Variants in MAD1L1 observed in about 807,000 individuals in gnomAD.
MAD1L1 encodes the protein mitotic spindle assembly checkpoint protein MAD1.
MAD1L1 carries 95 observed loss-of-function variants against 96.9 expected under a neutral mutation model. The ratio of observed to expected loss-of-function variants is 0.98; its 90% confidence interval spans 0.83 to 1.16. MAD1L1 has a LOEUF of 1.16. Ranked by LOEUF, MAD1L1 falls within the 50% of genes most tolerant of loss-of-function variation. MAD1L1 has a pLI of 0.00. For missense variants in MAD1L1, 1,007 were observed against 954.4 expected (o/e 1.06, Z -0.73); for synonymous variants, 473 against 396.6 (o/e 1.19, Z -2.29).
rs530377698 is a variant in MAD1L1, at chr7:1,868,960, G to A, written c.1998+29240C>T. Among the ~76,000 whole-genome samples, 35 of 152,308 alleles carry A rather than the reference G, an allele frequency of 2.3e-4. 1 individual carries two copies. The South Asian group carries it at 7.0e-3, about 31-fold the overall frequency. On this transcript the variant is annotated intron_variant, in intron 18 of 18. Coordinates refer to ENST00000265854, the MANE Select transcript of MAD1L1 (RefSeq NM_001013836.2). Reference sequence around the variant, plus strand: ...ACCGCGCCAGGCAGAAAGCTAGCCCGGCACAGCCCAAACCCTCGCGTGTGT... The same window carrying A: ...ACCGCGCCAGGCAGAAAGCTAGCCCAGCACAGCCCAAACCCTCGCGTGTGT...
At chr7:2,166,721 A>G (rs979670830) in intron 10 of MAD1L1, among the ~76,000 whole-genome samples, 2 of 152,212 alleles carry the variant, frequency 1.3e-5, no homozygotes, top group African/African-American at 2.4e-5. Context: ...TGAGGCTGTG[A>G]CAGCGTGTGT....
At chr7:2,041,677 C>A (rs1038697814) in intron 12 of MAD1L1, among the ~76,000 whole-genome samples, 1 of 152,242 alleles carries the variant, frequency 6.6e-6, no homozygotes, top group African/African-American at 2.4e-5. Context: ...TGACGCTTGA[C>A]ATGAGTTGAA....
At chr7:2,021,476 C>A (rs11762636) in intron 12 of MAD1L1, among the ~76,000 whole-genome samples, 24,803 of 152,176 alleles carry the variant, frequency 0.16, 2,567 homozygotes, top group Middle Eastern at 0.3. Flanking sequence ...GAAAGAAAAA[C>A]TCTCAGCGGG....
At position 1,930,628 on chromosome 7, in the gene MAD1L1, G is replaced by A. The variant is rs190363137; in HGVS notation, c.1807+6059C>T. 1.7e-4 allele frequency among the ~76,000 whole-genome samples: 24 copies of A among 145,216 alleles called. No homozygotes were observed. The East Asian group carries it at 2.7e-3, about 16-fold the overall frequency. ...ACGTGTCCCCTTGCTTCGTCCCACC[G>A]TCACATCCCCTTCACCTTGTTCCTT... On this transcript the variant is annotated intron_variant, in intron 17 of 18. Coordinates refer to ENST00000265854, the MANE Select transcript of MAD1L1 (RefSeq NM_001013836.2).
At chr7:1,923,477 G>A (rs570142068) in intron 17 of MAD1L1, among the ~76,000 whole-genome samples, 59 of 133,050 alleles carry the variant, frequency 4.4e-4, no homozygotes, top group African/African-American at 1.4e-4. Context: ...GCGCTCTTCC[G>A]CCCCGGCAGC....
intron 11 of MAD1L1, among the ~76,000 whole-genome samples, chr7:2,132,312 G>A (rs1022370434): frequency 6.6e-6 from 1 of 152,314 alleles, no homozygotes; most frequent in East Asian, 1.9e-4. Flanking sequence ...CAGTGGACAC[G>A]TGGGCTCACT....
At chr7:1,946,969 T>TGGC in intron 16 of MAD1L1, among the ~76,000 whole-genome samples, 1 of 152,300 alleles carries the variant, frequency 6.6e-6, no homozygotes, top group Non-Finnish European at 1.5e-5. Flanking sequence ...GGGTGGGGGC[T>TGGC]GGCGTTGGCT....
At chr7:2,151,720 G>C (rs1054308168) in intron 10 of MAD1L1, among the ~76,000 whole-genome samples, 3 of 152,240 alleles carry the variant, frequency 2.0e-5, no homozygotes, top group Admixed American at 2.0e-4. Context: ...CCAAGACCAT[G>C]ATAAATGCAA....
chr7:1,874,604 G>A (rs913561368), intron 18 of MAD1L1: 18 of 441,208 alleles, frequency 4.1e-5, no homozygotes, highest in South Asian at 6.5e-5. Context: ...TTACCCAGAG[G>A]CAGGTGGCTC....
Position 1,892,685 on chromosome 7 carries a change from C to G in MAD1L1, c.1998+5515G>C, listed in dbSNP as rs368386462. ...TTCCCCCTCATCCATATGACAAACC[C>G]GGTAGGTCGACATCGCCACATGTTT... On this transcript the variant is annotated intron_variant, in intron 18 of 18. Coordinates refer to ENST00000265854, the MANE Select transcript of MAD1L1 (RefSeq NM_001013836.2). Among the ~76,000 whole-genome samples, 6 of 152,316 alleles carry G rather than the reference C, an allele frequency of 3.9e-5. No individual in the cohort carries two copies. The East Asian group carries it at 7.7e-4, about 20-fold the overall frequency.
chr7:1,847,789 C>T (rs751733785), intron 18 of MAD1L1: 12 of 444,354 alleles, frequency 2.7e-5, no homozygotes, highest in East Asian at 7.1e-5. Flanking sequence ...ATGAACGAAT[C>T]GGCCTGCCTA....
chr7:2,133,532 G>A (rs7800909), intron 11 of MAD1L1, among the ~76,000 whole-genome samples: 7,067 of 152,236 alleles, frequency 0.046, 218 homozygotes, highest in African/African-American at 0.075. Context: ...AGTTTCCTTC[G>A]CAGAGCAGCC....
At chr7:1,895,962 T>C (rs7791299) in intron 18 of MAD1L1, among the ~76,000 whole-genome samples, 38,562 of 152,190 alleles carry the variant, frequency 0.25, 5,560 homozygotes, top group African/African-American at 0.39. Context: ...CACAAGAGTC[T>C]AGGAAGGCGG....
At chr7:2,040,642 C>CTAAATACCTA (rs1783633091) in intron 12 of MAD1L1, among the ~76,000 whole-genome samples, 1 of 152,206 alleles carries the variant, frequency 6.6e-6, no homozygotes, top group African/African-American at 2.4e-5. Context: ...TGCTGGGGAG[C>CTAAATACCTA]GTCGGCATTT....
chr7:2,127,638 G>C (rs3778985), intron 11 of MAD1L1, among the ~76,000 whole-genome samples: 7,105 of 152,222 alleles, frequency 0.047, 259 homozygotes, highest in African/African-American at 0.095. Context: ...AGACCCACAG[G>C]AACCCACCTG....
chr7:1,826,566 CCT>C (rs961422869), intron 18 of MAD1L1, among the ~76,000 whole-genome samples: 3 of 152,218 alleles, frequency 2.0e-5, no homozygotes, highest in East Asian at 1.9e-4. Flanking sequence ...AGCTCCCACC[CCT>C]CTCTGCCCCA....
At chr7:2,048,075 G>A (rs373656028) in intron 12 of MAD1L1, among the ~76,000 whole-genome samples, 5 of 151,914 alleles carry the variant, frequency 3.3e-5, no homozygotes, top group African/African-American at 1.2e-4. Flanking sequence ...ATGCACACAC[G>A]TCTCCTACAC....
chr7:1,839,519 C>T (rs2128631547), intron 18 of MAD1L1, among the ~76,000 whole-genome samples: 1 of 152,340 alleles, frequency 6.6e-6, no homozygotes, highest in South Asian at 2.1e-4. Flanking sequence ...CCCCCAGCCT[C>T]TTCACAAAGG....
At position 2,047,762 on chromosome 7, in the gene MAD1L1, TAC is replaced by T. The variant is rs201066880; in HGVS notation, c.1218+21430_1218+21431del. ...GCACAGACATGCACACTCACATGCA[TAC>T]AGAGAGCTGCCTCTGCAGACACATG... On this transcript the variant is annotated intron_variant, in intron 12 of 18. Coordinates refer to ENST00000265854, the MANE Select transcript of MAD1L1 (RefSeq NM_001013836.2). Among the ~76,000 whole-genome samples the T allele has an allele frequency of 8.1e-3, 1,217 of 150,586 alleles. 13 individuals carry two copies. The highest frequency in any genetic ancestry group is 0.014 in the Non-Finnish European group (965 of 67,786).
Sources: allele counts gnomAD v4.1 joint callset (sites outside exome capture counted in the v4.1 genomes callset), GRCh38; gene constraint gnomAD v4.1.1; transcripts MANE v1.5; gene names NCBI Gene and HGNC (gene_info 2026-07-23, HGNC 2026-07-21).